NCF2: variants seen among roughly 807,000 people sequenced by gnomAD.
NCF2 encodes neutrophil cytosolic factor 2.
Under a neutral mutation model 70.9 loss-of-function variants are expected in NCF2, and 45 were observed. The observed-to-expected ratio is 0.63, with a 90% confidence interval of 0.50 to 0.81. The LOEUF (loss-of-function observed/expected upper bound fraction) is 0.81, where lower values mean the gene tolerates loss of function less well. Among genes scored for constraint, NCF2 ranks in the 40% least tolerant of loss-of-function variants. The pLI is 0.00. For missense variants in NCF2, 522 were observed against 631.6 expected, an observed-to-expected ratio of 0.83 and a Z score of 1.86; for synonymous variants, 203 against 233.6, an observed-to-expected ratio of 0.87 and a Z score of 1.19.
intron 14 of NCF2, among the ~76,000 whole-genome samples, chr1:183,559,647 C>T (rs1416085516): frequency 1.3e-5 from 2 of 152,106 alleles, no homozygotes. Context: ...TCACTTGAGG[C>T]CAGGAGTTTG....
Position 183,563,502 on chromosome 1 carries a change from G to A in NCF2, c.1110C>T (p.Leu370=), listed in dbSNP as rs775303126. Residue 370 remains leucine, a synonymous_variant, in exon 12 of 15, where the codon CTC becomes CTT. Coordinates refer to ENST00000367535, the MANE Select transcript of NCF2 (RefSeq NM_000433.4). ...CCATGTCCCGGACCTGGCTGTAGGG[G>A]AGCCCGGGCTGAGTCTTCATGACTA... is the stretch of plus-strand genomic sequence containing the variant. ...YTVVMKTQPG[L]PYSQVRDMVS... 2 of 1,614,032 alleles carry A rather than the reference G, an allele frequency of 1.2e-6. No homozygotes were observed. The highest frequency in any genetic ancestry group is 1.1e-5 in the South Asian group (1 of 91,082).
At chr1:183,599,435 T>C in the NCF2 span, among the ~76,000 whole-genome samples, 4 of 93,962 alleles carry the variant, frequency 4.3e-5, no homozygotes, top group South Asian at 3.4e-4. Context: ...TCTTTCTTTC[T>C]TTCTTTCTTT....
chr1:183,595,405 G>T (rs899963371), upstream of NCF2, among the ~76,000 whole-genome samples: 5 of 152,222 alleles, frequency 3.3e-5, no homozygotes, highest in Admixed American at 6.5e-5. Context: ...TTGGTTTTCC[G>T]TTGCTGCATG....
intron 7 of NCF2, among the ~76,000 whole-genome samples, chr1:183,568,177 T>C (rs188731990): frequency 3.7e-4 from 56 of 152,134 alleles, no homozygotes; most frequent in African/African-American, 1.2e-3. Flanking sequence ...ACTTTTTTTT[T>C]TTTGAGACGG....
At chr1:183,566,813 TTTC>T in intron 9 of NCF2, 104 bp downstream of exon 9, 1 of 1,419,470 alleles carries the variant, frequency 7.0e-7, no homozygotes, top group South Asian at 1.2e-5. Context: ...CTAGTGAATC[TTTC>T]TCCAGGGGTC....
At position 183,590,324 on chromosome 1, in the gene NCF2, G is replaced by T. The variant is rs1447685025; in HGVS notation, c.6C>A (p.Ser2=). M[S]LVEAISLWNE... ...TCCAGAGGCTGATGGCCTCCACCAG[G>T]GACATGATTAGGTAGAAACTAGGAG... Residue 2 remains serine, a synonymous_variant, in exon 1 of 15, where the codon TCC becomes TCA. Transcript: ENST00000367535. The T allele has an allele frequency of 1.2e-6, 2 of 1,614,064 alleles. No homozygotes were observed. Among genetic ancestry groups the T allele is most frequent in the South Asian group, 2.2e-5 (2 of 91,074 alleles).
At chr1:183,598,516 A>C in the NCF2 span, among the ~76,000 whole-genome samples, 17 of 152,158 alleles carry the variant, frequency 1.1e-4, no homozygotes, top group Non-Finnish European at 2.4e-4. Context: ...GAGAAATCCA[A>C]ATGCTTGGCA....
At position 183,556,005 on chromosome 1, in the gene NCF2, G is replaced by GTT; in HGVS notation, c.*111_*112dup. ...GTTAAATTTTAACAGGGAATAAATA[G>GTT]TTAACACTTCCAAACTGTAATGTCT... On this transcript the variant is annotated 3_prime_UTR_variant, in exon 15 of 15. Coordinates refer to ENST00000367535, the MANE Select transcript of NCF2 (RefSeq NM_000433.4). The GTT allele has an allele frequency of 1.1e-6, 1 of 906,224 alleles. No homozygotes were observed. Among genetic ancestry groups the GTT allele is most frequent in the East Asian group, 2.5e-5 (1 of 39,898 alleles). 56.1% of individuals were successfully genotyped at this position (906,224 alleles called of 1,614,324 possible). A position where few individuals can be genotyped will look rare whatever the true frequency, so the allele number is the denominator to read the frequency against.
intron 6 of NCF2, among the ~76,000 whole-genome samples, chr1:183,570,255 T>G (rs1363155809): frequency 6.6e-6 from 1 of 152,216 alleles, no homozygotes; most frequent in Non-Finnish European, 1.5e-5. Context: ...ATCATCCAGT[T>G]CATCTGAGCT....
At chr1:183,597,080 G>C in the NCF2 span, among the ~76,000 whole-genome samples, 3 of 152,154 alleles carry the variant, frequency 2.0e-5, no homozygotes, top group African/African-American at 7.2e-5. Context: ...GTGCTGATCT[G>C]AAAAGTAAAA....
In NCF2 at chr1:183,590,411, G is replaced by A. The variant is rs756941376; in HGVS notation, c.-82C>T. On this transcript the variant is annotated 5_prime_UTR_variant, in exon 1 of 15. Coordinates refer to ENST00000367535, the MANE Select transcript of NCF2 (RefSeq NM_000433.4). Reference sequence around the variant, plus strand: ...TTGGAGCGTCTCCCCTAGCAGGGCTGCCTTAGTGGCCCCCAAGGTGTTCAC... The same window carrying A: ...TTGGAGCGTCTCCCCTAGCAGGGCTACCTTAGTGGCCCCCAAGGTGTTCAC... 2 of 1,490,676 alleles carry A rather than the reference G, an allele frequency of 1.3e-6. No individual in the cohort carries two copies. The highest frequency in any genetic ancestry group is 1.9e-6 in the Non-Finnish European group (2 of 1,075,226). 92.3% of individuals were successfully genotyped at this position (1,490,676 alleles called of 1,614,324 possible). A position where few individuals can be genotyped will look rare whatever the true frequency, so the allele number is the denominator to read the frequency against.
chr1:183,574,551 A>G lies in NCF2; in HGVS notation c.437T>C (p.Leu146Ser). The change falls in exon 4 of 15, where the codon TTG becomes TCG. Residue 146 changes from leucine (L) to serine (S), a missense_variant. Transcript: ENST00000367535. Reference protein sequence around the residue: ...EWKKAEEQLALATSMKSEPRH... With the variant: ...EWKKAEEQLASATSMKSEPRH... ...GGGCTCAGACTTCATGCTCGTGGCC[A>G]ATGCTAACTGTTCTTCAGCTTTTTT... 1 of 1,614,240 alleles carries G rather than the reference A, an allele frequency of 6.2e-7. No homozygotes were observed. Among genetic ancestry groups the G allele is most frequent in the Non-Finnish European group, 8.5e-7 (1 of 1,180,038 alleles).
At position 183,577,626 on chromosome 1, in the gene NCF2, C is replaced by T. The variant is rs1431485627; in HGVS notation, c.339G>A (p.Gly113=). Residue 113 remains glycine, a synonymous_variant, in exon 3 of 15, where the codon GGG becomes GGA. Coordinates refer to ENST00000367535, the MANE Select transcript of NCF2 (RefSeq NM_000433.4). Reference sequence around the variant, plus strand: ...CACAGGCAAACAGCTTGAACTGGAGCCCCAGGATCTTATAGTCTATCAGCT... The same window carrying T: ...CACAGGCAAACAGCTTGAACTGGAGTCCCAGGATCTTATAGTCTATCAGCT... ...GNQLIDYKIL[G]LQFKLFACEV... is the part of the protein sequence containing the mutation. 2 of 1,613,838 alleles carry T rather than the reference C, an allele frequency of 1.2e-6. No individual in the cohort carries two copies. Among genetic ancestry groups the T allele is most frequent in the Non-Finnish European group, 1.7e-6 (2 of 1,179,738 alleles).
chr1:183,571,114 C>CTTTTTTTTT (rs66625837), intron 5 of NCF2, among the ~76,000 whole-genome samples: 1 of 106,818 alleles, frequency 9.4e-6, no homozygotes. Flanking sequence ...ATCAAATTAT[C>CTTTTTTTTT]TTTTTTTTTT....
intron 13 of NCF2, among the ~76,000 whole-genome samples, chr1:183,561,899 G>A (rs2102879618): frequency 7.1e-6 from 1 of 141,708 alleles, no homozygotes; most frequent in African/African-American, 2.7e-5. Context: ...CTGGGTTCAA[G>A]CAATTCTGCC....
At chr1:183,559,149 G>A (rs1671927527) in intron 14 of NCF2, among the ~76,000 whole-genome samples, 1 of 152,154 alleles carries the variant, frequency 6.6e-6, no homozygotes, top group South Asian at 2.1e-4. Flanking sequence ...ATCTCTGGAG[G>A]GTGGGCCCAG....
At position 183,585,624 on chromosome 1, in the gene NCF2, C is replaced by CAAAAAAAA. The variant is rs750881920; in HGVS notation, c.257+1263_257+1270dup. Among the ~76,000 whole-genome samples, 14 of 114,588 alleles carry CAAAAAAAA rather than the reference C, an allele frequency of 1.2e-4. 1 individual carries two copies. The highest frequency in any genetic ancestry group is 5.4e-4 in the African/African-American group (12 of 22,034). 75.2% of individuals were successfully genotyped at this position (114,588 alleles called of 152,430 possible). On this transcript the variant is annotated intron_variant, in intron 2 of 14. Coordinates refer to ENST00000367535, the MANE Select transcript of NCF2 (RefSeq NM_000433.4). Reference sequence around the variant, plus strand: ...TGGGTGACAGGGCGAAACTCCGTCTCAAAAAAAAAAAAAATTCTTCATTAG... The same window carrying CAAAAAAAA: ...TGGGTGACAGGGCGAAACTCCGTCTCAAAAAAAAAAAAAAAAAAAAAATTCTTCATTAG...
rs55761650 is a variant in NCF2 at position 183,560,204 on chromosome 1, G to A, written c.1360C>T (p.Pro454Ser). 9,901 of 1,614,138 alleles carry A rather than the reference G, an allele frequency of 6.1e-3. 37 individuals carry two copies. The highest frequency in any genetic ancestry group is 7.2e-3 in the Non-Finnish European group (8,487 of 1,180,024). The stretch of plus-strand genomic sequence containing the variant: ...ACTTGGCTGCCTTTCTTAAGCTGAG[G>A]TTCTGTTGTCTGGTTATTAGCATCA... ...KADANNQTTE[P>S]QLKKGSQVEA... The change falls in exon 14 of 15, where the codon CCT becomes TCT. Residue 454 changes from proline to serine, a missense_variant. Transcript: ENST00000367535.
chr1:183,579,410 T>A (rs948481223), intron 2 of NCF2, among the ~76,000 whole-genome samples: 1 of 152,054 alleles, frequency 6.6e-6, no homozygotes, highest in African/African-American at 2.4e-5. Flanking sequence ...CTTCCCTAAG[T>A]CTGTTTCCCC....
Sources: gnomAD v4.1 joint callset for allele counts (sites outside exome capture counted in the v4.1 genomes callset) on GRCh38, gnomAD v4.1.1 for gene constraint, MANE v1.5 for transcripts, NCBI Gene and HGNC (gene_info 2026-07-23, HGNC 2026-07-21) for gene names.